Variants in NFKB1 observed in about 807,000 individuals in gnomAD.
The protein encoded by NFKB1 is nuclear factor kappa B subunit 1.
A neutral mutation model predicts 105.1 loss-of-function variants in NFKB1; 9 were observed. That is an observed-to-expected ratio of 0.09 (90% confidence interval 0.05 to 0.15). The LOEUF (loss-of-function observed/expected upper bound fraction) is 0.15, where lower values mean the gene tolerates loss of function less well. Among genes scored for constraint, NFKB1 ranks in the 10% least tolerant of loss-of-function variants. The pLI is 1.00. For synonymous variants in NFKB1, 440 were observed against 442.2 expected, an observed-to-expected ratio of 1.00 and a Z score of 0.06; for missense variants, 830 against 1,203.7, an observed-to-expected ratio of 0.69 and a Z score of 4.59.
intron 5 of NFKB1, among the ~76,000 whole-genome samples, chr4:102,539,195 C>G (rs373404076): frequency 2.1e-3 from 308 of 148,900 alleles, no homozygotes; most frequent in African/African-American, 7.5e-3. Flanking sequence ...CGAGACTGTG[C>G]CACTGGACTC....
chr4:102,611,948 TA>T, intron 20 of NFKB1, 95 bp from the exon 21 acceptor site: 1 of 943,836 alleles, frequency 1.1e-6, no homozygotes, highest in Non-Finnish European at 1.7e-6. Context: ...CAGGCCCTCC[TA>T]AGGAGGACAT....
At chr4:102,511,008 TGAG>T (rs1739742143) in intron 1 of NFKB1, 1 of 1,192,800 alleles carries the variant, frequency 8.4e-7, no homozygotes, top group Admixed American at 2.4e-5. Flanking sequence ...GGATTGGAGA[TGAG>T]GAGGGGTGGA....
intron 4 of NFKB1, among the ~76,000 whole-genome samples, chr4:102,534,744 G>A (rs1421523207): frequency 6.6e-6 from 1 of 152,186 alleles, no homozygotes; most frequent in African/African-American, 2.4e-5. Context: ...CTGTCCTCTT[G>A]CAGCTGTATT....
At position 102,606,704 on chromosome 4, in the gene NFKB1, G is replaced by A. The variant is rs749490522; in HGVS notation, c.1954+7G>A. 1.9e-6 allele frequency: 3 copies of A among 1,611,994 alleles called. No homozygotes were observed. In the South Asian group the frequency reaches 3.3e-5, roughly 18 times the overall value. On this transcript the variant is annotated splice_region_variant and intron_variant, in intron 17 of 23. Transcript: ENST00000226574. ...GACCACCCCAACGGGGACGGTAAGA[G>A]ACAATCACACATCATTGGTGTAACT...
chr4:102,592,063 A>G lies in NFKB1; in HGVS notation c.1067-1362A>G, dbSNP rs1405344608. Among the ~76,000 whole-genome samples, 5 of 152,240 alleles carry G rather than the reference A, an allele frequency of 3.3e-5. No individual in the cohort carries two copies. In the East Asian group the frequency reaches 9.6e-4, roughly 29 times the overall value. On this transcript the variant is annotated intron_variant, in intron 11 of 23. Transcript: ENST00000226574. Reference sequence around the variant, plus strand: ...CAGATGTGGTGGAAATAGCAAGAGAATGAGAGTGAGAAGTAGAGCCTGAAG... The same window carrying G: ...CAGATGTGGTGGAAATAGCAAGAGAGTGAGAGTGAGAAGTAGAGCCTGAAG...
Position 102,553,843 on chromosome 4 carries a change from TG to T in NFKB1, c.259-13143del, listed in dbSNP as rs578184684. 5.9e-5 allele frequency among the ~76,000 whole-genome samples: 9 copies of T among 152,330 alleles called. No individual in the cohort carries two copies. In the East Asian group the frequency reaches 1.7e-3, roughly 29 times the overall value. Reference sequence around the variant, plus strand: ...TTTGCCTAACATGAAGGTTTTTCTTTGTCTCTAAATTTTGATTTTCCATGCT... The same window carrying T: ...TTTGCCTAACATGAAGGTTTTTCTTTTCTCTAAATTTTGATTTTCCATGCT... On this transcript the variant is annotated intron_variant, in intron 5 of 23. Transcript: ENST00000226574.
rs924926778 is a variant in NFKB1, at chr4:102,515,353, G to A, written c.-7-10159G>A. 1.2e-4 allele frequency among the ~76,000 whole-genome samples: 18 copies of A among 151,412 alleles called. No individual in the cohort carries two copies. In the South Asian group the frequency reaches 1.5e-3, roughly 12 times the overall value. ...TCTCGATCTCCTGACCTCGTGATCCGCCCGCCTCGGCCTCCCAAAGTGCTG... is the reference window on the plus strand; with the variant it reads ...TCTCGATCTCCTGACCTCGTGATCCACCCGCCTCGGCCTCCCAAAGTGCTG... On this transcript the variant is annotated intron_variant, in intron 1 of 23. Coordinates refer to ENST00000226574, the MANE Select transcript of NFKB1 (RefSeq NM_003998.4).
chr4:102,533,787 C>A, intron 3 of NFKB1, 58 bp from the exon 4 acceptor site: 3 of 1,445,256 alleles, frequency 2.1e-6, no homozygotes, highest in South Asian at 1.2e-5. Context: ...ACGTTTTATA[C>A]CAAATTTGAG....
At chr4:102,528,150 T>C (rs759203669) in intron 2 of NFKB1, among the ~76,000 whole-genome samples, 18 of 152,136 alleles carry the variant, frequency 1.2e-4, no homozygotes, top group Admixed American at 5.2e-4. Context: ...TAGTCTGAAG[T>C]GAAGAGTATA....
At chr4:102,610,833 A>C in intron 20 of NFKB1, 134 bp downstream of exon 20, 2 of 1,172,826 alleles carry the variant, frequency 1.7e-6, no homozygotes, top group Non-Finnish European at 2.3e-6. Context: ...TCTGTTTGTC[A>C]GAGACCATTT....
chr4:102,584,890 G>T, intron 11 of NFKB1, 70 bp downstream of exon 11: 17 of 1,436,604 alleles, frequency 1.2e-5, no homozygotes, highest in Non-Finnish European at 1.6e-5. Context: ...GTTTTGTTTT[G>T]TTTTGTTTTG....
intron 1 of NFKB1, among the ~76,000 whole-genome samples, chr4:102,510,335 A>G (rs929145466): frequency 6.6e-6 from 1 of 152,220 alleles, no homozygotes; most frequent in Non-Finnish European, 1.5e-5. Context: ...ATACCGAACA[A>G]GATATCAAGA....
chr4:102,576,249 G>A (rs1724810519), intron 6 of NFKB1, among the ~76,000 whole-genome samples: 1 of 152,142 alleles, frequency 6.6e-6, no homozygotes, highest in Non-Finnish European at 1.5e-5. Context: ...GAGAAGATGA[G>A]ATTATAAGTA....
chr4:102,579,650 T>A (rs13149243), intron 8 of NFKB1, among the ~76,000 whole-genome samples: 64,796 of 141,888 alleles, frequency 0.46, 15,163 homozygotes, highest in African/African-American at 0.48. Flanking sequence ...AAAAAAAATA[T>A]ATATATATAT....
At chr4:102,502,408 A>G (rs1396776699) in intron 1 of NFKB1, among the ~76,000 whole-genome samples, 9 of 140,900 alleles carry the variant, frequency 6.4e-5, no homozygotes, top group African/African-American at 2.3e-4. Flanking sequence ...ACACACACAC[A>G]CACACACACA....
intron 1 of NFKB1, among the ~76,000 whole-genome samples, chr4:102,510,621 G>C (rs1285516276): frequency 6.6e-6 from 1 of 152,152 alleles, no homozygotes; most frequent in African/African-American, 2.4e-5. Context: ...TCGATAATAA[G>C]TTATAATTTT....
At chr4:102,509,982 C>T (rs1276795359) in intron 1 of NFKB1, among the ~76,000 whole-genome samples, 2 of 152,146 alleles carry the variant, frequency 1.3e-5, no homozygotes, top group African/African-American at 4.8e-5. Flanking sequence ...TCCGGTGTTC[C>T]CCAACCATCC....
At chr4:102,542,239 C>A (rs1442699852) in intron 5 of NFKB1, among the ~76,000 whole-genome samples, 1 of 152,154 alleles carries the variant, frequency 6.6e-6, no homozygotes, top group African/African-American at 2.4e-5. Context: ...ACCCTCTTAC[C>A]ATGTTGAGAT....
chr4:102,579,181 A>G, intron 8 of NFKB1, 142 bp downstream of exon 8: 1 of 779,532 alleles, frequency 1.3e-6, no homozygotes, highest in Non-Finnish European at 1.9e-6. Flanking sequence ...TGTGAATAGG[A>G]AAATCTAGCT....
Sources: allele counts gnomAD v4.1 joint callset (sites outside exome capture counted in the v4.1 genomes callset), GRCh38; gene constraint gnomAD v4.1.1; transcripts MANE v1.5; gene names NCBI Gene and HGNC (gene_info 2026-07-23, HGNC 2026-07-21).